The following COL14A1 variants were observed in gnomAD, a reference collection of about 807,000 sequenced individuals.
COL14A1 encodes the protein collagen alpha-1(XIV) chain.
In COL14A1, 136 loss-of-function variants were observed where a neutral mutation model predicts 230.3. The ratio of observed to expected loss-of-function variants is 0.59; its 90% CI spans 0.51 to 0.68. The LOEUF (loss-of-function observed/expected upper bound fraction) is 0.68. Among genes scored for constraint, COL14A1 ranks in the 30% least tolerant of loss-of-function variants. COL14A1 has a pLI of 0.00. For missense variants in COL14A1, 1,976 were observed against 2,215.8 expected (o/e 0.89, Z 2.17); for synonymous variants, 792 against 784.1 (o/e 1.01, Z -0.17).
intron 23 of COL14A1, among the ~76,000 whole-genome samples, chr8:120,256,899 T>C (rs11990470): frequency 0.13 from 19,256 of 152,212 alleles, 1,863 homozygotes; most frequent in East Asian, 0.41. Flanking sequence ...TGAAGGAACG[T>C]GGGTTCCTGT....
At chr8:120,182,619 T>C (rs1816496519) in intron 5 of COL14A1, among the ~76,000 whole-genome samples, 1 of 151,904 alleles carries the variant, frequency 6.6e-6, no homozygotes. Context: ...GGTGATCAGA[T>C]AAAATAGCCT....
At chr8:120,195,568 C>T (rs112711816) in intron 5 of COL14A1, among the ~76,000 whole-genome samples, 6,690 of 152,150 alleles carry the variant, frequency 0.044, 487 homozygotes, top group African/African-American at 0.15. Flanking sequence ...AAAAGGAAAG[C>T]GGTTTAATGG....
chr8:120,371,468 G>T lies in COL14A1; in HGVS notation c.*237G>T, dbSNP rs1812156375. 2.5e-6 allele frequency: 1 copy of T among 394,782 alleles called. No individual in the cohort carries two copies. The highest frequency in any genetic ancestry group is 4.5e-6 in the Non-Finnish European group (1 of 224,562). 24.5% of individuals were successfully genotyped at this position (394,782 alleles called of 1,614,324 possible). ...ATGATTTCCCTTTGGTGTCTTAATG[G>T]CATGTCAGATAATTTGTTTTTCCAG... is the stretch of plus-strand genomic sequence containing the variant. On this transcript the variant is annotated 3_prime_UTR_variant, in exon 48 of 48. Coordinates refer to ENST00000297848, the MANE Select transcript of COL14A1 (RefSeq NM_021110.4).
At chr8:120,309,099 T>C (rs1027833258) in intron 36 of COL14A1, among the ~76,000 whole-genome samples, 2 of 152,114 alleles carry the variant, frequency 1.3e-5, no homozygotes, top group African/African-American at 2.4e-5. Flanking sequence ...CACGCCCGGC[T>C]AATTTTTTTG....
At chr8:120,256,757 A>T (rs1819165459) in intron 23 of COL14A1, among the ~76,000 whole-genome samples, 1 of 152,226 alleles carries the variant, frequency 6.6e-6, no homozygotes, top group African/African-American at 2.4e-5. Flanking sequence ...TCACGCTTTA[A>T]TATGGAAGGG....
chr8:120,296,022 G>GT (rs1335220968), intron 34 of COL14A1, among the ~76,000 whole-genome samples: 10 of 151,878 alleles, frequency 6.6e-5, no homozygotes, highest in African/African-American at 1.9e-4. Context: ...ATTTTATTAG[G>GT]TGGTGCAAAA....
In COL14A1 at chr8:120,350,801, C is replaced by A. The variant is rs1213542291; in HGVS notation, c.5077+5238C>A. Among the ~76,000 whole-genome samples the A allele has an allele frequency of 3.3e-5, 5 of 151,076 alleles. No homozygotes were observed. The East Asian group carries it at 7.8e-4, about 24-fold the overall frequency. Reference sequence around the variant, plus strand: ...ACATTAATAATGGGAGACTTTAACACCCCACTGTCAACATTAGACAGATCA... The same window carrying A: ...ACATTAATAATGGGAGACTTTAACAACCCACTGTCAACATTAGACAGATCA... On this transcript the variant is annotated intron_variant, in intron 45 of 47. Coordinates refer to ENST00000297848, the MANE Select transcript of COL14A1 (RefSeq NM_021110.4).
At chr8:120,277,456 A>G (rs1489317445) in intron 26 of COL14A1, 1 of 152,126 alleles carries the variant, frequency 6.6e-6, no homozygotes, top group African/African-American at 2.4e-5. Flanking sequence ...AAGTACTGAG[A>G]GACACATGCA....
In COL14A1 at chr8:120,247,832, G is replaced by C. The variant is rs1438843228; in HGVS notation, c.2602+97G>C. 28 of 1,431,808 alleles carry C rather than the reference G, an allele frequency of 2.0e-5. No individual in the cohort carries two copies. In the East Asian group the frequency reaches 6.6e-4, roughly 34 times the overall value. 88.7% of individuals were successfully genotyped at this position (1,431,808 alleles called of 1,614,324 possible). ...TTCTTATAACACCTTATGTTTGGTT[G>C]TATTTTTTTAAAGAAGTAGGGAGAA... On this transcript the variant is annotated intron_variant, in intron 21 of 47. Coordinates refer to ENST00000297848, the MANE Select transcript of COL14A1 (RefSeq NM_021110.4).
At position 120,358,278 on chromosome 8, in the gene COL14A1, A is replaced by G. The variant is rs190443551; in HGVS notation, c.5078-8893A>G. On this transcript the variant is annotated intron_variant, in intron 45 of 47. Transcript: ENST00000297848. ...ACCCAGATAGAGTATGCTTTCTTGA[A>G]TTGGCCCTTATTGATTTCTCTCTGT... Among the ~76,000 whole-genome samples the G allele has an allele frequency of 7.9e-5, 12 of 152,318 alleles. No homozygotes were observed. The East Asian group carries it at 2.3e-3, about 29-fold the overall frequency.
intron 12 of COL14A1, among the ~76,000 whole-genome samples, chr8:120,210,323 ATTGT>A (rs1379561007): frequency 2.6e-5 from 4 of 152,280 alleles, no homozygotes; most frequent in African/African-American, 9.6e-5. Flanking sequence ...TTTTTGCATA[ATTGT>A]TTGATTATTT....
intron 34 of COL14A1, among the ~76,000 whole-genome samples, chr8:120,290,125 A>G (rs576817635): frequency 6.6e-6 from 1 of 152,306 alleles, no homozygotes; most frequent in Admixed American, 6.5e-5. Flanking sequence ...TACAACTGCA[A>G]ATGAACCTCA....
At chr8:120,151,639 CAA>C (rs59123417) in intron 2 of COL14A1, among the ~76,000 whole-genome samples, 191 of 78,562 alleles carry the variant, frequency 2.4e-3, no homozygotes, top group Non-Finnish European at 3.3e-3. Context: ...GACTCCGTCT[CAA>C]AAAAAAAAAA....
intron 2 of COL14A1, 50 bp from the exon 3 acceptor site, chr8:120,158,079 TA>T (rs778308536): frequency 1.0e-6 from 1 of 1,001,426 alleles, no homozygotes; most frequent in African/African-American, 1.6e-5. Flanking sequence ...ATTTAACAAA[TA>T]GAAGCTTAAA....
chr8:120,207,345 T>C (rs1014743648), intron 10 of COL14A1, among the ~76,000 whole-genome samples: 1 of 152,220 alleles, frequency 6.6e-6, no homozygotes, highest in Non-Finnish European at 1.5e-5. Flanking sequence ...GTATTTTTCT[T>C]CTTAAAATTA....
At chr8:120,334,745 T>C (rs551069687) in intron 42 of COL14A1, among the ~76,000 whole-genome samples, 1 of 152,332 alleles carries the variant, frequency 6.6e-6, no homozygotes. Flanking sequence ...AATGTGCTCC[T>C]GGGAACCAGA....
chr8:120,225,082 T>G lies in COL14A1; in HGVS notation c.1738-6T>G. The G allele has an allele frequency of 1.2e-6, 2 of 1,608,102 alleles. No individual in the cohort carries two copies. The highest frequency in any genetic ancestry group is 1.7e-6 in the Non-Finnish European group (2 of 1,178,408). On this transcript the variant is annotated splice_region_variant and splice_polypyrimidine_tract_variant and intron_variant, in intron 14 of 47. Transcript: ENST00000297848. ...GAGCTGTTATTATGACTTATTTCTT[T>G]GACAGGTTGAAGTCGATCCTATTAC...
chr8:120,287,500 T>C (rs1186198660), intron 33 of COL14A1, among the ~76,000 whole-genome samples: 1 of 152,194 alleles, frequency 6.6e-6, no homozygotes, highest in Non-Finnish European at 1.5e-5. Context: ...AACATTGTCA[T>C]TTTAGCCCAT....
At chr8:120,305,115 AT>A (rs1232191996) in intron 36 of COL14A1, among the ~76,000 whole-genome samples, 1 of 151,640 alleles carries the variant, frequency 6.6e-6, no homozygotes, top group South Asian at 2.1e-4. Flanking sequence ...AGTAGCTGGG[AT>A]TACAGGCATG....
Sources: gnomAD v4.1 joint callset for allele counts (sites outside exome capture counted in the v4.1 genomes callset) on GRCh38, gnomAD v4.1.1 for gene constraint, MANE v1.5 for transcripts, NCBI Gene and HGNC (gene_info 2026-07-23, HGNC 2026-07-21) for gene names.